The following ATP2C2 variants were observed in gnomAD, a reference collection of about 807,000 sequenced individuals.
ATP2C2 encodes calcium-transporting ATPase type 2C member 2.
Under a neutral mutation model 110.8 loss-of-function variants are expected in ATP2C2, and 171 were observed. That is an observed-to-expected ratio of 1.54 (90% CI 1.36 to 1.75). The LOEUF is 1.75. Among genes scored for constraint, ATP2C2 ranks in the 40% most tolerant of loss-of-function variants. The pLI is 0.00. For synonymous variants in ATP2C2, 804 were observed against 508.4 expected (o/e 1.58, Z -7.82); for missense variants, 1,963 against 1,235.0 (o/e 1.59, Z -8.84).
chr16:84,448,017 C>A (rs374194054), intron 16 of ATP2C2, among the ~76,000 whole-genome samples: 16 of 151,948 alleles, frequency 1.1e-4, no homozygotes, highest in African/African-American at 3.4e-4. Context: ...AGGGCCTCCC[C>A]CCGTGGAGTT....
chr16:84,460,842 G>C (rs1911251083), intron 24 of ATP2C2, 41 bp downstream of exon 24: 2 of 1,579,988 alleles, frequency 1.3e-6, no homozygotes, highest in Non-Finnish European at 1.7e-6. Flanking sequence ...AAGCCCTGGT[G>C]CGGTGCAGAC....
chr16:84,459,449 G>A (rs1567465203), intron 23 of ATP2C2, 63 bp downstream of exon 23: 4 of 1,603,504 alleles, frequency 2.5e-6, no homozygotes, highest in South Asian at 2.2e-5. Context: ...TCCTCCAGGG[G>A]CTGCTGGCTG....
intron 11 of ATP2C2, among the ~76,000 whole-genome samples, chr16:84,433,026 T>G (rs1019334116): frequency 6.6e-6 from 1 of 152,058 alleles, no homozygotes; most frequent in African/African-American, 2.4e-5. Flanking sequence ...AGGGAGACAT[T>G]TGAGCCTCAA....
intron 2 of ATP2C2, among the ~76,000 whole-genome samples, chr16:84,399,642 G>T (rs145874405): frequency 6.6e-6 from 1 of 151,878 alleles, no homozygotes; most frequent in Non-Finnish European, 1.5e-5. Context: ...AATTTTTGTG[G>T]GTACATAGTA....
intron 4 of ATP2C2, among the ~76,000 whole-genome samples, chr16:84,408,835 G>T (rs1041730639): frequency 1.3e-5 from 2 of 151,696 alleles, no homozygotes; most frequent in Non-Finnish European, 2.9e-5. Flanking sequence ...ATCCATTACC[G>T]AGAGGTAACC....
intron 7 of ATP2C2, among the ~76,000 whole-genome samples, chr16:84,419,990 C>A (rs545328994): frequency 6.6e-6 from 1 of 151,986 alleles, no homozygotes; most frequent in Non-Finnish European, 1.5e-5. Flanking sequence ...CAAAGGAGGC[C>A]CAAGCTACTT....
chr16:84,427,084 A>T (rs984139322), intron 11 of ATP2C2, among the ~76,000 whole-genome samples: 3 of 152,200 alleles, frequency 2.0e-5, no homozygotes, highest in African/African-American at 7.2e-5. Context: ...GAACCAACCC[A>T]TGTCTAGGCT....
intron 11 of ATP2C2, among the ~76,000 whole-genome samples, chr16:84,438,885 C>G (rs1371140476): frequency 2.0e-5 from 3 of 152,170 alleles, no homozygotes; most frequent in African/African-American, 7.2e-5. Flanking sequence ...ATGCAAAATA[C>G]TTTTAAAGAG....
At chr16:84,443,876 T>C (rs57481828) in intron 15 of ATP2C2, among the ~76,000 whole-genome samples, 27,920 of 151,964 alleles carry the variant, frequency 0.18, 3,173 homozygotes, top group East Asian at 0.53. Context: ...TGTAAGAACA[T>C]TGGAAAGTCA....
chr16:84,410,940 G>A (rs962304449), intron 6 of ATP2C2, 175 bp downstream of exon 6: 11 of 651,870 alleles, frequency 1.7e-5, no homozygotes, highest in African/African-American at 3.6e-5. Flanking sequence ...GTGTGTCCTC[G>A]GGCATGTCAC....
chr16:84,381,868 A>C (rs539227742), intron 1 of ATP2C2, among the ~76,000 whole-genome samples: 63 of 152,344 alleles, frequency 4.1e-4, no homozygotes, highest in African/African-American at 1.4e-3. Context: ...TCTGAGGCTT[A>C]GAAAATGAAG....
intron 11 of ATP2C2, among the ~76,000 whole-genome samples, chr16:84,438,279 C>T (rs1394025357): frequency 1.3e-5 from 2 of 152,350 alleles, no homozygotes; most frequent in South Asian, 2.1e-4. Flanking sequence ...TGCAAACACT[C>T]TTGCCCTTTC....
In ATP2C2 at chr16:84,410,743, C is replaced by T. The variant is rs247818; in HGVS notation, c.493C>T (p.Leu165=). 1 of 1,614,166 alleles carries T rather than the reference C, an allele frequency of 6.2e-7. No individual in the cohort carries two copies. The highest frequency in any genetic ancestry group is 8.5e-7 in the Non-Finnish European group (1 of 1,180,004). The change falls in exon 6 of 27, where the codon CTG becomes TTG. Residue 165 remains leucine (L), a synonymous_variant. Coordinates refer to ENST00000262429, the MANE Select transcript of ATP2C2 (RefSeq NM_014861.4). ...GAAATCTCTGGAAGAGCTGACCAAGCTGGTTCCTCCAGAATGTAACTGGTA... is the reference window on the plus strand; with the variant it reads ...GAAATCTCTGGAAGAGCTGACCAAGTTGGTTCCTCCAGAATGTAACTGGTA... ...SEKSLEELTK[L]VPPECNCLRE...
chr16:84,451,168 G>C (rs1910222992), intron 17 of ATP2C2, among the ~76,000 whole-genome samples: 2 of 152,132 alleles, frequency 1.3e-5, no homozygotes, highest in Non-Finnish European at 2.9e-5. Flanking sequence ...GCCGGCAAGA[G>C]AGAATGAGAG....
intron 23 of ATP2C2, chr16:84,459,766 A>G: frequency 1.7e-6 from 1 of 587,590 alleles, no homozygotes; most frequent in East Asian, 3.0e-5. Context: ...AGGAAGATAC[A>G]CACAGACACA....
intron 11 of ATP2C2, among the ~76,000 whole-genome samples, chr16:84,431,600 A>G (rs899748021): frequency 6.6e-6 from 1 of 151,846 alleles, no homozygotes; most frequent in Non-Finnish European, 1.5e-5. Flanking sequence ...AAGGGTGTTC[A>G]GGCAGGGGGA....
intron 20 of ATP2C2, 76 bp from the exon 21 acceptor site, chr16:84,454,742 G>GC: frequency 6.9e-7 from 1 of 1,443,336 alleles, no homozygotes; most frequent in African/African-American, 1.4e-5. Context: ...TCTGTGGCTG[G>GC]CCACAGGGTG....
intron 1 of ATP2C2, among the ~76,000 whole-genome samples, chr16:84,386,091 C>G (rs1212798398): frequency 6.6e-6 from 1 of 152,120 alleles, no homozygotes; most frequent in Non-Finnish European, 1.5e-5. Flanking sequence ...TAATGAGAAA[C>G]TTCAGCTTCA....
chr16:84,432,675 C>G (rs1046336664), intron 11 of ATP2C2, among the ~76,000 whole-genome samples: 3 of 152,066 alleles, frequency 2.0e-5, no homozygotes, highest in Non-Finnish European at 4.4e-5. Flanking sequence ...TGCCTGCCAC[C>G]ACACCCAGCT....
Sources: gnomAD v4.1 joint callset for allele counts (sites outside exome capture counted in the v4.1 genomes callset) on GRCh38, gnomAD v4.1.1 for gene constraint, MANE v1.5 for transcripts, NCBI Gene and HGNC (gene_info 2026-07-23, HGNC 2026-07-21) for gene names.